The following NOCT variants were observed in gnomAD, a reference collection of about 807,000 sequenced individuals.
The protein encoded by NOCT is nocturnin.
NOCT carries 18 observed loss-of-function variants against 35.0 expected under a neutral mutation model. That is an observed-to-expected ratio of 0.51 (90% CI 0.36 to 0.76). NOCT has a LOEUF of 0.76. Ranked by LOEUF, NOCT falls within the 30% of genes least tolerant of loss-of-function variation. NOCT has a pLI of 0.01. For synonymous variants in NOCT, 235 were observed against 226.3 expected, an observed-to-expected ratio of 1.04 and a Z score of -0.34; for missense variants, 479 against 541.0, an observed-to-expected ratio of 0.89 and a Z score of 1.14.
At chr4:139,016,205 A>G in intron 1 of NOCT, 34 bp downstream of exon 1, 1 of 1,199,120 alleles carries the variant, frequency 8.3e-7, no homozygotes, top group Non-Finnish European at 1.0e-6. Context: ...GGAGAACGCC[A>G]CGGCCGCCAA....
chr4:139,016,969 G>GCTTTTTTT (rs1726322868), intron 1 of NOCT, among the ~76,000 whole-genome samples: 1 of 11,392 alleles, frequency 8.8e-5, no homozygotes, highest in Admixed American at 1.3e-3. Context: ...CGTTTCTTTG[G>GCTTTTTTT]ATTTTTTTTT....
chr4:139,022,659 A>T (rs1436992867), intron 1 of NOCT, among the ~76,000 whole-genome samples: 2 of 152,202 alleles, frequency 1.3e-5, no homozygotes, highest in Non-Finnish European at 2.9e-5. Context: ...TCTCCTGTCC[A>T]AAAGTTAGAG....
At chr4:139,042,854 C>T (rs1236025579) in intron 1 of NOCT, among the ~76,000 whole-genome samples, 1 of 148,766 alleles carries the variant, frequency 6.7e-6, no homozygotes, top group Non-Finnish European at 1.5e-5. Context: ...GTGGAGGTTG[C>T]GGTGAGCCGA....
At chr4:139,034,228 C>G (rs531719552) in intron 1 of NOCT, among the ~76,000 whole-genome samples, 1 of 151,978 alleles carries the variant, frequency 6.6e-6, no homozygotes. Context: ...CTCCCCACCC[C>G]CCACCTTATT....
chr4:139,030,613 A>G (rs1379763199), intron 1 of NOCT, among the ~76,000 whole-genome samples: 1 of 152,180 alleles, frequency 6.6e-6, no homozygotes, highest in African/African-American at 2.4e-5. Flanking sequence ...GTTGCTATGA[A>G]TCTTTATTGA....
rs150501212 is a variant in NOCT at position 139,032,180 on chromosome 4, C to T, written c.191-10894C>T. On this transcript the variant is annotated intron_variant, in intron 1 of 2. Transcript: ENST00000280614. ...TTATACAGTAAAATAGCAGTGAGGG[C>T]TTAGCAATAGTGGTACAAGGAATTA... is the stretch of plus-strand genomic sequence containing the variant. 4.7e-3 allele frequency among the ~76,000 whole-genome samples: 719 copies of T among 152,250 alleles called. 6 individuals carry two copies. Among genetic ancestry groups the T allele is most frequent in the African/African-American group, 0.017 (693 of 41,544 alleles).
At chr4:139,037,740 T>G (rs901043715) in intron 1 of NOCT, among the ~76,000 whole-genome samples, 2 of 152,166 alleles carry the variant, frequency 1.3e-5, no homozygotes, top group African/African-American at 4.8e-5. Context: ...TAAGCAGATC[T>G]TGGCTGGTAC....
chr4:139,035,657 A>G (rs1327148738), intron 1 of NOCT, among the ~76,000 whole-genome samples: 2 of 152,168 alleles, frequency 1.3e-5, no homozygotes, highest in African/African-American at 4.8e-5. Flanking sequence ...TATATCAGCC[A>G]GTGATATTTT....
chr4:139,034,322 T>C lies in NOCT; in HGVS notation c.191-8752T>C, dbSNP rs1278165903. On this transcript the variant is annotated intron_variant, in intron 1 of 2. Coordinates refer to ENST00000280614, the MANE Select transcript of NOCT (RefSeq NM_012118.4). ...ACTCCCAACACTGCTGCTTTGGGGA[T>C]CAAGTTTCTAATACATGAACTTTGG... Among the ~76,000 whole-genome samples the C allele has an allele frequency of 2.6e-5, 4 of 152,128 alleles. No individual in the cohort carries two copies. The East Asian group carries it at 7.7e-4, about 29-fold the overall frequency.
intron 1 of NOCT, among the ~76,000 whole-genome samples, chr4:139,026,830 G>A (rs1726526412): frequency 6.6e-6 from 1 of 151,604 alleles, no homozygotes. Flanking sequence ...GGAATTACAG[G>A]TGTGAGCCAC....
In NOCT at chr4:139,045,447, T is replaced by C. The variant is rs200723880; in HGVS notation, c.1269T>C (p.Phe423=). 216 of 1,599,124 alleles carry C rather than the reference T, an allele frequency of 1.4e-4. No individual in the cohort carries two copies. Among genetic ancestry groups the C allele is most frequent in the Middle Eastern group, 1.7e-4 (1 of 6,016 alleles). ...TGTCTCTAGTGTGTGACTTCAGCTTTACTGAGGAATCTGATGGACTTTCAT... is the reference window on the plus strand; with the variant it reads ...TGTCTCTAGTGTGTGACTTCAGCTTCACTGAGGAATCTGATGGACTTTCAT... ...DHLSLVCDFS[F]TEESDGLS is the part of the protein sequence containing the mutation. Residue 423 remains phenylalanine (F), a synonymous_variant, in exon 3 of 3, where the codon TTT becomes TTC. Transcript: ENST00000280614.
At position 139,038,579 on chromosome 4, in the gene NOCT, C is replaced by T. The variant is rs372380485; in HGVS notation, c.191-4495C>T. 3.9e-5 allele frequency among the ~76,000 whole-genome samples: 6 copies of T among 152,282 alleles called. No homozygotes were observed. The South Asian group carries it at 1.2e-3, about 32-fold the overall frequency. On this transcript the variant is annotated intron_variant, in intron 1 of 2. Coordinates refer to ENST00000280614, the MANE Select transcript of NOCT (RefSeq NM_012118.4). The stretch of plus-strand genomic sequence containing the variant: ...ATAGACTATCCCATTTGATTCATCT[C>T]ATATATACACAGCAGTCTCAGAGTT...
In NOCT at chr4:139,044,876, C is replaced by T; in HGVS notation, c.698C>T (p.Pro233Leu). ...PCLDVEHNNG[P>L]DGCALFFLQN... ...CTAGATGTAGAACACAACAATGGAC[C>T]AGATGGTTGTGCCTTATTTTTTCTT... Residue 233 changes from proline to leucine, a missense_variant, in exon 3 of 3, where the codon CCA becomes CTA. This residue lies in a region of NOCT where 214 missense variants were observed against 284.0 expected (regional missense o/e 0.75). Coordinates refer to ENST00000280614, the MANE Select transcript of NOCT (RefSeq NM_012118.4). 6.2e-7 allele frequency: 1 copy of T among 1,614,018 alleles called. No individual in the cohort carries two copies. Among genetic ancestry groups the T allele is most frequent in the Non-Finnish European group, 8.5e-7 (1 of 1,179,932 alleles).
chr4:139,033,175 G>T (rs1409545177), intron 1 of NOCT, among the ~76,000 whole-genome samples: 1 of 151,930 alleles, frequency 6.6e-6, no homozygotes, highest in African/African-American at 2.4e-5. Flanking sequence ...GACCAGCCTA[G>T]CCAACGTGGT....
At chr4:139,018,946 G>C (rs1323106160) in intron 1 of NOCT, among the ~76,000 whole-genome samples, 1 of 152,246 alleles carries the variant, frequency 6.6e-6, no homozygotes, top group Non-Finnish European at 1.5e-5. Context: ...AGAAAGGCAT[G>C]AGACACACAC....
rs1726904153 is a variant in NOCT at position 139,044,915 on chromosome 4, A to G, written c.737A>G (p.Lys246Arg). 2 of 1,614,096 alleles carry G rather than the reference A, an allele frequency of 1.2e-6. No homozygotes were observed. Among genetic ancestry groups the G allele is most frequent in the Admixed American group, 3.3e-5 (2 of 60,006 alleles). Reference protein sequence around the residue: ...CALFFLQNRFKLVNSANIRLT... With the variant: ...CALFFLQNRFRLVNSANIRLT... ...TTATTTTTTCTTCAAAACCGATTCA[A>G]GCTAGTCAACAGTGCCAATATTAGG... Residue 246 changes from lysine to arginine, a missense_variant, in exon 3 of 3, where the codon AAG (lysine) becomes AGG (arginine). Around this residue, in one of 2 missense-constraint regions of NOCT, gnomAD observed 214 missense variants for 284.0 expected, o/e 0.75. Transcript: ENST00000280614.
rs10541748 is a variant in NOCT at position 139,016,641 on chromosome 4, G to GTTTTTTTTTTTTTTTTT, written c.190+484_190+500dup. Among the ~76,000 whole-genome samples, 2 of 53,786 alleles carry GTTTTTTTTTTTTTTTTT rather than the reference G, an allele frequency of 3.7e-5. 1 individual carries two copies. The highest frequency in any genetic ancestry group is 6.4e-5 in the Non-Finnish European group (2 of 31,468). 35.3% of individuals were successfully genotyped at this position (53,786 alleles called of 152,430 possible). On this transcript the variant is annotated intron_variant, in intron 1 of 2. Transcript: ENST00000280614. Reference sequence around the variant, plus strand: ...ATAACACATTGATTCGTTTTACGTTGTTTTTTTTTTTTTTTTTTTTTTTTT... The same window carrying GTTTTTTTTTTTTTTTTT: ...ATAACACATTGATTCGTTTTACGTTGTTTTTTTTTTTTTTTTTTTTTTTTTTTTTTTTTTTTTTTTTT...
intron 1 of NOCT, among the ~76,000 whole-genome samples, chr4:139,034,417 T>C (rs755486212): frequency 3.3e-5 from 5 of 152,188 alleles, no homozygotes; most frequent in African/African-American, 4.8e-5. Flanking sequence ...CTTCTTTAGT[T>C]TACAAATTTA....
chr4:139,028,056 C>T (rs1726557303), intron 1 of NOCT: 1 of 152,170 alleles, frequency 6.6e-6, no homozygotes, highest in Admixed American at 6.5e-5. Flanking sequence ...AAAAACACGT[C>T]ATTTTTCCAA....
Sources: allele counts gnomAD v4.1 joint callset (sites outside exome capture counted in the v4.1 genomes callset), GRCh38; gene constraint gnomAD v4.1.1; regional missense constraint gnomAD v4.1.1; transcripts MANE v1.5; gene names NCBI Gene and HGNC (gene_info 2026-07-23, HGNC 2026-07-21).